ODAD4: variants seen among roughly 807,000 people sequenced by gnomAD.
The protein encoded by ODAD4 is outer dynein arm-docking complex subunit 4.
In ODAD4, 49 loss-of-function variants were observed where a neutral mutation model predicts 51.8. That is an observed-to-expected ratio of 0.95 (90% CI 0.75 to 1.20). ODAD4 has a LOEUF of 1.20. Among genes scored for constraint, ODAD4 ranks in the 50% most tolerant of loss-of-function variants. The pLI is 0.00. For synonymous variants in ODAD4, 235 were observed against 221.3 expected (o/e 1.06, Z -0.55); for missense variants, 590 against 586.5 (o/e 1.01, Z -0.06).
At chr17:41,960,403 G>A (rs990102089) in intron 10 of ODAD4, among the ~76,000 whole-genome samples, 4 of 152,152 alleles carry the variant, frequency 2.6e-5, no homozygotes, top group Non-Finnish European at 4.4e-5. Context: ...AGCTGAGATC[G>A]TGCCACTGCA....
chr17:41,935,467 C>T, intron 2 of ODAD4, 119 bp downstream of exon 2: 1 of 1,510,598 alleles, frequency 6.6e-7, no homozygotes, highest in Non-Finnish European at 8.9e-7. Context: ...TTTTCTCTTC[C>T]TAGGTCATTG....
chr17:41,933,545 C>T (rs781855908), intron 1 of ODAD4, among the ~76,000 whole-genome samples: 5 of 151,048 alleles, frequency 3.3e-5, no homozygotes, highest in East Asian at 2.0e-4. Flanking sequence ...CCAGCTACTC[C>T]GGAGGCTGAG....
At chr17:41,955,346 G>C in intron 10 of ODAD4, 29 bp downstream of exon 10, 2 of 754,984 alleles carry the variant, frequency 2.6e-6, no homozygotes, top group Middle Eastern at 2.8e-4. Context: ...CGGGCTTCGG[G>C]TGTCAGGAGT....
intron 10 of ODAD4, among the ~76,000 whole-genome samples, chr17:41,959,820 C>T (rs982905709): frequency 1.3e-5 from 2 of 152,180 alleles, no homozygotes; most frequent in Non-Finnish European, 2.9e-5. Flanking sequence ...TCATGGTGAG[C>T]TGTTTGTGAG....
chr17:41,955,890 G>A (rs1013043314), intron 10 of ODAD4, among the ~76,000 whole-genome samples: 1 of 151,748 alleles, frequency 6.6e-6, no homozygotes, highest in Non-Finnish European at 1.5e-5. Context: ...ATGGCTCATT[G>A]CAGCCTCGAC....
chr17:41,947,141 T>C (rs1366894275), intron 8 of ODAD4, among the ~76,000 whole-genome samples: 1 of 149,574 alleles, frequency 6.7e-6, no homozygotes, highest in Non-Finnish European at 1.5e-5. Context: ...TGAGCCACTG[T>C]GCCCGGGTGT....
chr17:41,963,200 C>T (rs960075111), intron 11 of ODAD4, among the ~76,000 whole-genome samples: 6 of 152,186 alleles, frequency 3.9e-5, no homozygotes, highest in Admixed American at 6.5e-5. Flanking sequence ...CTGTGACCCC[C>T]TGAGACCTGA....
intron 10 of ODAD4, among the ~76,000 whole-genome samples, chr17:41,958,063 C>T (rs575875033): frequency 6.6e-6 from 1 of 152,308 alleles, no homozygotes; most frequent in African/African-American, 2.4e-5. Flanking sequence ...AGGTGTGAGC[C>T]ACCACACCCG....
At chr17:41,958,426 C>A (rs1302844313) in intron 10 of ODAD4, among the ~76,000 whole-genome samples, 1 of 151,904 alleles carries the variant, frequency 6.6e-6, no homozygotes, top group African/African-American at 2.4e-5. Flanking sequence ...TTTAGGAGGC[C>A]GAGATGGATG....
At chr17:41,961,522 T>A in intron 11 of ODAD4, 56 bp downstream of exon 11, 1 of 715,462 alleles carries the variant, frequency 1.4e-6, no homozygotes, top group South Asian at 1.5e-5. Context: ...TGCTTTCTTT[T>A]CCTCTAGTCC....
At chr17:41,947,908 C>T (rs926483315) in intron 8 of ODAD4, among the ~76,000 whole-genome samples, 10 of 151,912 alleles carry the variant, frequency 6.6e-5, no homozygotes, top group African/African-American at 1.9e-4. Context: ...CGCCTGAGGT[C>T]GGGAGTTCAA....
chr17:41,960,533 G>A (rs1598092671), intron 10 of ODAD4, among the ~76,000 whole-genome samples: 2 of 152,330 alleles, frequency 1.3e-5, no homozygotes, highest in East Asian at 3.9e-4. Flanking sequence ...GGAATTCAGA[G>A]TGAGAGAGCC....
At chr17:41,931,540 G>T (rs2050338550) in intron 1 of ODAD4, among the ~76,000 whole-genome samples, 1 of 152,068 alleles carries the variant, frequency 6.6e-6, no homozygotes, top group Admixed American at 6.5e-5. Flanking sequence ...AGCAACATAT[G>T]ATTATTATTA....
Position 41,936,873 on chromosome 17 carries a change from C to T in ODAD4, c.571C>T (p.Leu191=). 3 of 1,613,986 alleles carry T rather than the reference C, an allele frequency of 1.9e-6. No homozygotes were observed. In the South Asian group the frequency reaches 3.3e-5, roughly 18 times the overall value. Residue 191 remains leucine (L), a synonymous_variant, in exon 5 of 12, where the codon CTG becomes TTG. Transcript: ENST00000377540. ...GAGTGAGAAGACTGTCCGCCAGCTT[C>T]TGGGGGAGCTCTACGTGGACAAAGA... ...LKSEKTVRQL[L]GELYVDKEYL...
intron 1 of ODAD4, among the ~76,000 whole-genome samples, chr17:41,934,038 CT>C (rs782039270): frequency 0.057 from 3,703 of 65,220 alleles, 9 homozygotes; most frequent in African/African-American, 0.12. Context: ...TTCTTTCTTT[CT>C]TTTTTTTTTT....
rs375089566 is a variant in ODAD4, at chr17:41,965,157, G to A, written c.1693G>A (p.Gly565Arg). 11 of 772,990 alleles carry A rather than the reference G, an allele frequency of 1.4e-5. No individual in the cohort carries two copies. The highest frequency in any genetic ancestry group is 9.7e-5 in the East Asian group (4 of 41,058). The allele number at this position is 772,990 out of a possible 1,614,324, so 47.9% of individuals were successfully genotyped here. The change falls in exon 12 of 12, where the codon GGA becomes AGA. Residue 565 changes from glycine to arginine, a missense_variant. By Grantham distance (125) the Gly-to-Arg change is moderately radical. Around this residue, in one of 3 missense-constraint regions of ODAD4, gnomAD observed 226 missense variants for 162.7 expected, o/e 1.39. Transcript: ENST00000377540. ...GGAAGCTCTGCAGAGCCCAGCAAGC[G>A]GAAAGCAGAGTGTGGAAGCAGGAAA... is the stretch of plus-strand genomic sequence containing the variant. ...FGEALQSPAS[G>R]KQSVEAGKAR...
intron 11 of ODAD4, among the ~76,000 whole-genome samples, chr17:41,964,392 C>T (rs1361127000): frequency 6.6e-6 from 1 of 152,086 alleles, no homozygotes; most frequent in East Asian, 1.9e-4. Flanking sequence ...TCTCAGGTCC[C>T]TTGACTGCAA....
At chr17:41,956,188 C>CA (rs1297737395) in intron 10 of ODAD4, among the ~76,000 whole-genome samples, 1 of 151,752 alleles carries the variant, frequency 6.6e-6, no homozygotes, top group Non-Finnish European at 1.5e-5. Context: ...GCTGGGATCA[C>CA]AGGCGCCCCC....
intron 8 of ODAD4, among the ~76,000 whole-genome samples, chr17:41,947,050 G>A (rs1555639747): frequency 1.1e-3 from 158 of 150,064 alleles, no homozygotes; most frequent in African/African-American, 3.7e-3. Context: ...GGGTTTCCCC[G>A]CGTTGGTCAG....
Sources: gnomAD v4.1 joint callset for allele counts (sites outside exome capture counted in the v4.1 genomes callset) on GRCh38, gnomAD v4.1.1 for gene constraint, gnomAD v4.1.1 regional missense constraint, MANE v1.5 for transcripts, NCBI Gene and HGNC (gene_info 2026-07-23, HGNC 2026-07-21) for gene names.